Variants in ADGRG4 observed in about 807,000 individuals in gnomAD.
The protein encoded by ADGRG4 is G protein-coupled receptor 112.
ADGRG4 carries 122 observed loss-of-function variants against 126.2 expected under a neutral mutation model. The observed-to-expected ratio is 0.97, with a 90% CI of 0.83 to 1.12. The LOEUF (loss-of-function observed/expected upper bound fraction) is 1.12. Ranked by LOEUF, ADGRG4 falls within the 50% of genes most tolerant of loss-of-function variation. ADGRG4 has a pLI of 0.00. For missense variants in ADGRG4, 2,481 were observed against 2,251.8 expected, an observed-to-expected ratio of 1.10 and a Z score of -2.06; for synonymous variants, 943 against 838.7, an observed-to-expected ratio of 1.12 and a Z score of -2.15.
intron 15 of ADGRG4, among the ~76,000 whole-genome samples, chrX:136,374,296 A>G (rs1480986468): frequency 9.0e-6 from 1 of 110,919 alleles, no homozygotes; most frequent in Non-Finnish European, 1.9e-5. Flanking sequence ...GATTGTTTCC[A>G]GTTTGGCTAT....
chrX:136,336,557 T>C (rs1006272257), intron 5 of ADGRG4, among the ~76,000 whole-genome samples: 2 of 111,957 alleles, frequency 1.8e-5, no homozygotes, highest in Admixed American at 9.5e-5. Context: ...GATCACCATG[T>C]CTTCCTGGTG....
chrX:136,364,102 C>T (rs372819815), intron 13 of ADGRG4, among the ~76,000 whole-genome samples: 2 of 110,841 alleles, frequency 1.8e-5, no homozygotes, highest in Non-Finnish European at 3.8e-5. Context: ...TGAGCCACCG[C>T]GCCTGGCCTT....
intron 5 of ADGRG4, among the ~76,000 whole-genome samples, chrX:136,342,028 A>G (rs1304299029): frequency 8.9e-6 from 1 of 111,916 alleles, no homozygotes; most frequent in South Asian, 3.7e-4. Context: ...GAATTTTACT[A>G]TGTACCATTT....
At chrX:136,320,919 T>C (rs368717253) in intron 4 of ADGRG4, among the ~76,000 whole-genome samples, 6 of 110,807 alleles carry the variant, frequency 5.4e-5, no homozygotes, top group African/African-American at 2.0e-4. Flanking sequence ...ACCCCCCCTC[T>C]TAAAACAAAA....
At chrX:136,391,841 T>C (rs1020771271) in intron 16 of ADGRG4, among the ~76,000 whole-genome samples, 3 of 112,783 alleles carry the variant, frequency 2.7e-5, no homozygotes, top group Admixed American at 9.3e-5. Context: ...AGGTTTCTTA[T>C]AGAGGAGCTC....
chrX:136,323,818 T>A (rs2074856007), intron 5 of ADGRG4, among the ~76,000 whole-genome samples: 2 of 111,750 alleles, frequency 1.8e-5, no homozygotes, highest in Admixed American at 9.5e-5. Context: ...TCCTAGTAAT[T>A]TCCCTTATAA....
At chrX:136,329,105 G>A in intron 5 of ADGRG4, among the ~76,000 whole-genome samples, 1 of 111,011 alleles carries the variant, frequency 9.0e-6, no homozygotes, top group Middle Eastern at 4.6e-3. Flanking sequence ...TACCCCACAG[G>A]CAGATCTGTC....
intron 1 of ADGRG4, among the ~76,000 whole-genome samples, chrX:136,301,762 G>A (rs1180535740): frequency 3.6e-5 from 4 of 111,783 alleles, no homozygotes; most frequent in African/African-American, 3.3e-5. Flanking sequence ...TTTTGTATAA[G>A]GTGTAAGGAA....
At chrX:136,393,472 A>G in intron 17 of ADGRG4, 63 bp from the exon 18 acceptor site, 1 of 926,327 alleles carries the variant, frequency 1.1e-6, no homozygotes, top group Non-Finnish European at 1.5e-6. Flanking sequence ...ACTTATGTGT[A>G]TATGTTACTA....
chrX:136,387,364 A>G (rs756475771), intron 15 of ADGRG4, among the ~76,000 whole-genome samples: 24 of 112,214 alleles, frequency 2.1e-4, no homozygotes, highest in Middle Eastern at 4.6e-3. Context: ...TCCTTTTAAC[A>G]TATGGAGGAA....
chrX:136,319,215 G>A (rs969019084), intron 4 of ADGRG4, among the ~76,000 whole-genome samples: 13 of 112,580 alleles, frequency 1.2e-4, no homozygotes, highest in African/African-American at 3.2e-4. Flanking sequence ...AGCCCTGCTG[G>A]AGGCCCAGAG....
intron 4 of ADGRG4, among the ~76,000 whole-genome samples, chrX:136,316,528 C>T (rs1378162567): frequency 3.6e-5 from 4 of 111,755 alleles, no homozygotes; most frequent in African/African-American, 6.5e-5. Flanking sequence ...AGTACAGTGG[C>T]GTGATCTTGG....
At position 136,379,592 on chromosome X, in the gene ADGRG4, C is replaced by T. The variant is rs143900258; in HGVS notation, c.7776+6528C>T. ...CTTCTCCTCTTCTTCCCTTGCTGTC[C>T]TCTGTTTTCCTTTCCTCTCTTATTC... On this transcript the variant is annotated intron_variant, in intron 15 of 25. Coordinates refer to ENST00000394143, the MANE Select transcript of ADGRG4 (RefSeq NM_153834.4). Among the ~76,000 whole-genome samples the T allele has an allele frequency of 9.4e-3, 1,010 of 107,426 alleles. 10 individuals are homozygous for T. The highest frequency in any genetic ancestry group is 0.033 in the African/African-American group (957 of 29,390). 93.3% of individuals were successfully genotyped at this position (107,426 alleles called of 115,157 possible). A position where few individuals can be genotyped will look rare whatever the true frequency, so the allele number is the denominator to read the frequency against.
chrX:136,308,714 A>C (rs775909714), intron 3 of ADGRG4, 55 bp from the exon 4 acceptor site: 8 of 685,693 alleles, frequency 1.2e-5, no homozygotes, highest in Non-Finnish European at 1.6e-5. Flanking sequence ...ATACGCTTAG[A>C]AATTGTATTT....
chrX:136,350,754 AC>A (rs2075057264), intron 6 of ADGRG4, among the ~76,000 whole-genome samples: 2 of 111,377 alleles, frequency 1.8e-5, no homozygotes, highest in Admixed American at 9.6e-5. Flanking sequence ...TGGACTAGGA[AC>A]CTCATCCCTT....
In ADGRG4 at chrX:136,378,396, T is replaced by G. The variant is rs761724111; in HGVS notation, c.7776+5332T>G. On this transcript the variant is annotated intron_variant, in intron 15 of 25. Coordinates refer to ENST00000394143, the MANE Select transcript of ADGRG4 (RefSeq NM_153834.4). ...TGCTTCTAGTAATTGTTTTAGAGAT[T>G]CCTTAGAACTTTCCATGTAAGCCAA... Among the ~76,000 whole-genome samples the G allele has an allele frequency of 3.6e-5, 4 of 111,647 alleles. No individual in the cohort carries two copies. The East Asian group carries it at 1.1e-3, about 31-fold the overall frequency.
chrX:136,402,521 A>G (rs1285812554), intron 21 of ADGRG4, among the ~76,000 whole-genome samples: 1 of 112,076 alleles, frequency 8.9e-6, no homozygotes, highest in Non-Finnish European at 1.9e-5. Context: ...GCTTTGGAAC[A>G]GCTTTGGAAA....
intron 22 of ADGRG4, among the ~76,000 whole-genome samples, chrX:136,404,938 T>C (rs1258962595): frequency 2.7e-5 from 3 of 112,132 alleles, no homozygotes; most frequent in African/African-American, 6.5e-5. Context: ...CTCAGCTAAG[T>C]TGACACACAG....
At chrX:136,358,946 G>A (rs2075110739) in intron 10 of ADGRG4, among the ~76,000 whole-genome samples, 2 of 111,878 alleles carry the variant, frequency 1.8e-5, no homozygotes, top group Middle Eastern at 4.6e-3. Flanking sequence ...AAGAATAAAA[G>A]GTTCTCTCTG....
Sources: gnomAD v4.1 joint callset for allele counts (sites outside exome capture counted in the v4.1 genomes callset) on GRCh38, gnomAD v4.1.1 for gene constraint, MANE v1.5 for transcripts, NCBI Gene and HGNC (gene_info 2026-07-23, HGNC 2026-07-21) for gene names.